ADK: variants seen among roughly 807,000 people sequenced by gnomAD.
ADK encodes N6,N6-dimethyladenosine kinase.
A neutral mutation model predicts 44.7 loss-of-function variants in ADK; 24 were observed. That is an observed-to-expected ratio of 0.54 (90% CI 0.39 to 0.76). The LOEUF is 0.76. Among genes scored for constraint, ADK ranks in the 30% least tolerant of loss-of-function variants. ADK has a pLI of 0.00. For synonymous variants in ADK, 128 were observed against 142.6 expected, an observed-to-expected ratio of 0.90 and a Z score of 0.73; for missense variants, 321 against 425.1, an observed-to-expected ratio of 0.76 and a Z score of 2.15.
chr10:74,567,918 C>G (rs1850746374), intron 7 of ADK, among the ~76,000 whole-genome samples: 2 of 152,118 alleles, frequency 1.3e-5, no homozygotes, highest in East Asian at 1.9e-4. Flanking sequence ...CCAGGATGGT[C>G]TCAATCTCCT....
At chr10:74,525,144 C>G (rs1848987270) in intron 6 of ADK, 112 bp from the exon 7 acceptor site, 1 of 1,089,494 alleles carries the variant, frequency 9.2e-7, no homozygotes, top group South Asian at 1.4e-5. Flanking sequence ...TGCCTTGCAT[C>G]TTATAATTGT....
At chr10:74,219,465 CAG>C (rs1343545408) in intron 2 of ADK, among the ~76,000 whole-genome samples, 82 of 152,266 alleles carry the variant, frequency 5.4e-4, no homozygotes, top group Non-Finnish European at 8.2e-4. Context: ...ATCAATGAGA[CAG>C]AAAGTCAACA....
At chr10:74,223,118 T>G (rs973418388) in intron 2 of ADK, among the ~76,000 whole-genome samples, 3 of 152,172 alleles carry the variant, frequency 2.0e-5, no homozygotes, top group Non-Finnish European at 4.4e-5. Context: ...TTCTTACAGT[T>G]ATGGAGGTTG....
rs566419182 is a variant in ADK, at chr10:74,218,035, G to A, written c.141-6503G>A. Among the ~76,000 whole-genome samples, 177 of 152,340 alleles carry A rather than the reference G, an allele frequency of 1.2e-3. 1 individual carries two copies. In the South Asian group the frequency reaches 0.027, roughly 23 times the overall value. On this transcript the variant is annotated intron_variant, in intron 2 of 10. Coordinates refer to ENST00000539909, the MANE Select transcript of ADK (RefSeq NM_006721.4). ...AAGCTGGACGGAGAATGACTTTGAC[G>A]AGTTGAAAGAAGAAGGCTTCAGACG...
intron 3 of ADK, among the ~76,000 whole-genome samples, chr10:74,240,713 G>A (rs1845176980): frequency 6.6e-6 from 1 of 152,092 alleles, no homozygotes; most frequent in African/African-American, 2.4e-5. Flanking sequence ...TTATATAATT[G>A]AGGGTCTTTT....
intron 6 of ADK, among the ~76,000 whole-genome samples, chr10:74,515,044 C>G (rs1187621534): frequency 6.6e-6 from 1 of 152,098 alleles, no homozygotes; most frequent in Non-Finnish European, 1.5e-5. Flanking sequence ...CAGGCTTTTT[C>G]TTGCTTTTTC....
intron 10 of ADK, among the ~76,000 whole-genome samples, chr10:74,693,170 C>G (rs1432345654): frequency 6.6e-6 from 1 of 152,048 alleles, no homozygotes; most frequent in African/African-American, 2.4e-5. Flanking sequence ...GATAATATGT[C>G]AATAATGGCT....
intron 4 of ADK, among the ~76,000 whole-genome samples, chr10:74,338,696 T>C (rs1841490293): frequency 6.6e-6 from 1 of 152,188 alleles, no homozygotes. Flanking sequence ...ATTCCAATTA[T>C]ATAGTATTAC....
rs188792796 is a variant in ADK, at chr10:74,469,030, T to C, written c.556-56226T>C. ...TGTTTTTAAGACTTATGGTCAAAAATACATATCATAAAATTTCCCACTTTA... is the reference window on the plus strand; with the variant it reads ...TGTTTTTAAGACTTATGGTCAAAAACACATATCATAAAATTTCCCACTTTA... On this transcript the variant is annotated intron_variant, in intron 6 of 10. Coordinates refer to ENST00000539909, the MANE Select transcript of ADK (RefSeq NM_006721.4). Among the ~76,000 whole-genome samples, 5 of 152,132 alleles carry C rather than the reference T, an allele frequency of 3.3e-5. No individual in the cohort carries two copies. The East Asian group carries it at 9.6e-4, about 29-fold the overall frequency.
chr10:74,393,425 GA>G (rs1171781622), intron 4 of ADK, among the ~76,000 whole-genome samples: 1 of 152,030 alleles, frequency 6.6e-6, no homozygotes, highest in African/African-American at 2.4e-5. Context: ...TTACTTCAAT[GA>G]AAAAATGAGA....
chr10:74,545,052 A>G (rs769091735), intron 7 of ADK, among the ~76,000 whole-genome samples: 9 of 151,988 alleles, frequency 5.9e-5, no homozygotes, highest in South Asian at 2.1e-4. Flanking sequence ...ATTGTGAAGG[A>G]TTTTATTCTT....
rs866953144 is a variant in ADK at position 74,695,625 on chromosome 10, T to G, written c.965-12696T>G. Among the ~76,000 whole-genome samples the G allele has an allele frequency of 5.9e-3, 788 of 132,512 alleles. 2 individuals carry two copies. The highest frequency in any genetic ancestry group is 7.9e-3 in the Non-Finnish European group (472 of 59,756). 86.9% of individuals were successfully genotyped at this position (132,512 alleles called of 152,430 possible). ...AATTCCTGTGTATGTGTGGGGTGTG[T>G]GTGTGTGTGTGTGTGTGTGTGTGTG... is the stretch of plus-strand genomic sequence containing the variant. On this transcript the variant is annotated intron_variant, in intron 10 of 10. Transcript: ENST00000539909.
At chr10:74,381,407 C>T (rs1341764339) in intron 4 of ADK, among the ~76,000 whole-genome samples, 1 of 152,122 alleles carries the variant, frequency 6.6e-6, no homozygotes, top group Non-Finnish European at 1.5e-5. Context: ...GCCTTAAATG[C>T]TTACTAACTC....
chr10:74,473,042 G>A (rs989547978), intron 6 of ADK, among the ~76,000 whole-genome samples: 1 of 152,022 alleles, frequency 6.6e-6, no homozygotes, highest in Non-Finnish European at 1.5e-5. Flanking sequence ...CAGGCTGGAA[G>A]ACAGTGATGT....
intron 8 of ADK, among the ~76,000 whole-genome samples, chr10:74,594,358 A>C (rs1262887457): frequency 6.9e-6 from 1 of 145,664 alleles, no homozygotes; most frequent in Non-Finnish European, 1.5e-5. Context: ...TAGTAATAGT[A>C]ACACTACTAG....
chr10:74,613,858 A>G (rs1390600384), intron 9 of ADK, among the ~76,000 whole-genome samples: 1 of 152,124 alleles, frequency 6.6e-6, no homozygotes, highest in Non-Finnish European at 1.5e-5. Flanking sequence ...ACTACAGCCA[A>G]ATCAATTTTA....
chr10:74,522,500 A>T (rs1217533969), intron 6 of ADK, among the ~76,000 whole-genome samples: 5 of 152,188 alleles, frequency 3.3e-5, no homozygotes, highest in Non-Finnish European at 7.4e-5. Flanking sequence ...TTCTCTCTTA[A>T]CGTCTCAGAA....
At chr10:74,417,850 G>T (rs1290096531) in intron 6 of ADK, among the ~76,000 whole-genome samples, 1 of 151,774 alleles carries the variant, frequency 6.6e-6, no homozygotes, top group Non-Finnish European at 1.5e-5. Flanking sequence ...ATAGTGATAA[G>T]CATATTTTTT....
rs74516087 is a variant in ADK, at chr10:74,632,725, C to G, written c.877+32232C>G. On this transcript the variant is annotated intron_variant, in intron 9 of 10. Coordinates refer to ENST00000539909, the MANE Select transcript of ADK (RefSeq NM_006721.4). ...CTTTATTTCCAAACAAGGTCACATT[C>G]TAAGGTTCCAGATGGACATGAATTC... Among the ~76,000 whole-genome samples the G allele has an allele frequency of 1.8e-3, 271 of 152,244 alleles. 4 individuals are homozygous for G. Among genetic ancestry groups the G allele is most frequent in the East Asian group, 0.017 (87 of 5,182 alleles).
Sources: allele counts gnomAD v4.1 joint callset (sites outside exome capture counted in the v4.1 genomes callset), GRCh38; gene constraint gnomAD v4.1.1; transcripts MANE v1.5; gene names NCBI Gene and HGNC (gene_info 2026-07-23, HGNC 2026-07-21).